PRKCA: variants seen among roughly 807,000 people sequenced by gnomAD.
PRKCA encodes the protein protein kinase C alpha.
In PRKCA, 27 loss-of-function variants were observed where a neutral mutation model predicts 87.0. The observed-to-expected ratio is 0.31, with a 90% CI of 0.23 to 0.43. PRKCA has a LOEUF of 0.43. Ranked by LOEUF, PRKCA falls within the 20% of genes least tolerant of loss-of-function variation. The pLI is 1.00. For missense variants in PRKCA, 518 were observed against 852.3 expected, an observed-to-expected ratio of 0.61 and a Z score of 4.88; for synonymous variants, 329 against 311.1, an observed-to-expected ratio of 1.06 and a Z score of -0.61.
At chr17:66,567,764 C>T (rs1968945824) in intron 3 of PRKCA, among the ~76,000 whole-genome samples, 2 of 152,106 alleles carry the variant, frequency 1.3e-5, no homozygotes, top group African/African-American at 2.4e-5. Flanking sequence ...AGGTAACCTG[C>T]GTTTGGGAAA....
chr17:66,424,565 TCAAACACACA>T (rs915875296), intron 2 of PRKCA, among the ~76,000 whole-genome samples: 12 of 19,808 alleles, frequency 6.1e-4, no homozygotes, highest in African/African-American at 1.7e-3. Flanking sequence ...CGACCCTGTC[TCAAACACACA>T]CACACACACA....
At chr17:66,329,155 TTTG>T in intron 2 of PRKCA, among the ~76,000 whole-genome samples, 1 of 152,098 alleles carries the variant, frequency 6.6e-6, no homozygotes, top group South Asian at 2.1e-4. Context: ...AGGACAAACG[TTTG>T]CAAATCCAGG....
chr17:66,423,642 GT>G (rs920005863), intron 2 of PRKCA, among the ~76,000 whole-genome samples: 11 of 152,168 alleles, frequency 7.2e-5, no homozygotes, highest in Non-Finnish European at 1.5e-4. Context: ...AATGCATACT[GT>G]TTTTCTTCCC....
At chr17:66,753,078 TA>T (rs1182828312) in intron 13 of PRKCA, among the ~76,000 whole-genome samples, 5 of 152,314 alleles carry the variant, frequency 3.3e-5, no homozygotes, top group African/African-American at 1.2e-4. Context: ...ATTTTACATT[TA>T]AAAATGTAAA....
chr17:66,408,706 T>A (rs1911566153), intron 2 of PRKCA, among the ~76,000 whole-genome samples: 1 of 152,230 alleles, frequency 6.6e-6, no homozygotes, highest in East Asian at 1.9e-4. Context: ...CAACAAATAA[T>A]TTGCTGCTCA....
intron 3 of PRKCA, among the ~76,000 whole-genome samples, chr17:66,521,915 A>G (rs141068086): frequency 6.8e-4 from 103 of 152,378 alleles, no homozygotes; most frequent in Non-Finnish European, 1.3e-3. Flanking sequence ...TTCAGAATAC[A>G]GAATGCTCTT....
chr17:66,720,903 A>C (rs993875823), intron 8 of PRKCA, among the ~76,000 whole-genome samples: 21 of 152,166 alleles, frequency 1.4e-4, no homozygotes, highest in African/African-American at 5.1e-4. Context: ...TATTTTCGAG[A>C]ATGCTAAGAG....
At chr17:66,358,733 C>A (rs1214692877) in intron 2 of PRKCA, among the ~76,000 whole-genome samples, 2 of 152,054 alleles carry the variant, frequency 1.3e-5, no homozygotes, top group African/African-American at 4.8e-5. Context: ...CACATTTGCT[C>A]TGCTGAAATG....
intron 15 of PRKCA, 100 bp downstream of exon 15, chr17:66,787,074 A>C: frequency 1.1e-6 from 1 of 939,292 alleles, no homozygotes; most frequent in Non-Finnish European, 1.8e-6. Flanking sequence ...AACACCACAA[A>C]CCCACACCAC....
chr17:66,571,115 G>A (rs1395688205), intron 3 of PRKCA, among the ~76,000 whole-genome samples: 1 of 152,174 alleles, frequency 6.6e-6, no homozygotes, highest in African/African-American at 2.4e-5. Flanking sequence ...CGTACTAAAT[G>A]TCTGTAGATA....
chr17:66,542,738 G>T (rs895046685), intron 3 of PRKCA, among the ~76,000 whole-genome samples: 5 of 152,296 alleles, frequency 3.3e-5, no homozygotes, highest in African/African-American at 1.2e-4. Flanking sequence ...ATTGTATTGT[G>T]TGTGTTTCAC....
At chr17:66,396,313 G>A (rs1910660842) in intron 2 of PRKCA, among the ~76,000 whole-genome samples, 1 of 152,144 alleles carries the variant, frequency 6.6e-6, no homozygotes, top group Non-Finnish European at 1.5e-5. Flanking sequence ...GTGGGAAGGA[G>A]TGTGGTAAAA....
chr17:66,529,891 T>C (rs191236490), intron 3 of PRKCA, among the ~76,000 whole-genome samples: 2 of 152,302 alleles, frequency 1.3e-5, no homozygotes, highest in Admixed American at 6.5e-5. Flanking sequence ...TCAAATACAT[T>C]TGATGTTTCA....
intron 13 of PRKCA, among the ~76,000 whole-genome samples, chr17:66,746,747 C>T (rs1383083654): frequency 6.6e-6 from 1 of 152,150 alleles, no homozygotes; most frequent in Non-Finnish European, 1.5e-5. Flanking sequence ...GAAAATGATT[C>T]CTAAAGCTGA....
At chr17:66,613,183 G>A (rs1047689270) in intron 3 of PRKCA, among the ~76,000 whole-genome samples, 5 of 152,230 alleles carry the variant, frequency 3.3e-5, no homozygotes, top group Admixed American at 2.0e-4. Flanking sequence ...CAGATGCAGC[G>A]GAGCCTTGAC....
At chr17:66,554,239 G>GAAAA (rs11290369) in intron 3 of PRKCA, among the ~76,000 whole-genome samples, 136 of 138,812 alleles carry the variant, frequency 9.8e-4, no homozygotes, top group Middle Eastern at 3.8e-3. Flanking sequence ...CCGTCTCTAT[G>GAAAA]AAAAAAAAAA....
At chr17:66,781,943 T>G (rs2144361997) in intron 14 of PRKCA, among the ~76,000 whole-genome samples, 1 of 151,342 alleles carries the variant, frequency 6.6e-6, no homozygotes, top group South Asian at 2.1e-4. Context: ...TGACAGAGTC[T>G]TGCTCTGTTG....
intron 3 of PRKCA, among the ~76,000 whole-genome samples, chr17:66,581,323 A>G (rs1221936830): frequency 6.6e-6 from 1 of 152,220 alleles, no homozygotes; most frequent in Admixed American, 6.5e-5. Flanking sequence ...ATATGCACAA[A>G]TGAGGCTGGC....
chr17:66,425,242 C>T (rs980113770), intron 2 of PRKCA, among the ~76,000 whole-genome samples: 15 of 152,268 alleles, frequency 9.9e-5, no homozygotes, highest in African/African-American at 3.4e-4. Context: ...TCAGACAGGC[C>T]GCATCCCTGC....
Sources: allele counts gnomAD v4.1 joint callset (sites outside exome capture counted in the v4.1 genomes callset), GRCh38; gene constraint gnomAD v4.1.1; transcripts MANE v1.5; gene names NCBI Gene and HGNC (gene_info 2026-07-23, HGNC 2026-07-21).